MPDZ: variants seen among roughly 807,000 people sequenced by gnomAD.
MPDZ encodes the protein multiple PDZ domain protein.
Under a neutral mutation model 239.1 loss-of-function variants are expected in MPDZ, and 234 were observed. The observed-to-expected ratio is 0.98, with a 90% confidence interval of 0.88 to 1.09. MPDZ has a LOEUF of 1.09. MPDZ is among the 50% of genes least tolerant of loss of function. The probability of loss-of-function intolerance (pLI) is 0.00; values close to 1 mark genes in which losing one functional copy is unlikely to be tolerated. For missense variants in MPDZ, 3,175 were observed against 2,510.0 expected (o/e 1.26, Z -5.66); for synonymous variants, 1,048 against 881.3 (o/e 1.19, Z -3.35).
chr9:13,149,343 C>T (rs928603170), intron 25 of MPDZ, among the ~76,000 whole-genome samples: 6 of 152,032 alleles, frequency 3.9e-5, no homozygotes, highest in African/African-American at 1.4e-4. Flanking sequence ...TTCTTCTAAA[C>T]AAAGTCTTCC....
At chr9:13,206,830 C>A (rs1032684469) in intron 10 of MPDZ, among the ~76,000 whole-genome samples, 2 of 152,162 alleles carry the variant, frequency 1.3e-5, no homozygotes, top group African/African-American at 4.8e-5. Flanking sequence ...GCGTGAGCCA[C>A]TGCACCCGGC....
rs1302330969 is a variant in MPDZ, at chr9:13,201,513, G to A, written c.1546+3523C>T. On this transcript the variant is annotated intron_variant, in intron 12 of 46. Transcript: ENST00000319217. Reference sequence around the variant, plus strand: ...CTATTTCCTTAAATGTGCTTTCTAGGCCTTTTTCTCTCTGGTCTCCTTCAG... The same window carrying A: ...CTATTTCCTTAAATGTGCTTTCTAGACCTTTTTCTCTCTGGTCTCCTTCAG... Among the ~76,000 whole-genome samples the A allele has an allele frequency of 4.9e-4, 75 of 151,874 alleles. 1 individual carries two copies. Among genetic ancestry groups the A allele is most frequent in the Admixed American group, 4.9e-3 (75 of 15,206 alleles).
intron 1 of MPDZ, among the ~76,000 whole-genome samples, chr9:13,262,711 A>G (rs1381537476): frequency 2.6e-5 from 4 of 152,112 alleles, no homozygotes. Flanking sequence ...AAAACACAAA[A>G]CAAGGGCAAC....
intron 24 of MPDZ, among the ~76,000 whole-genome samples, chr9:13,154,041 C>T (rs1949525519): frequency 2.0e-5 from 3 of 151,962 alleles, no homozygotes; most frequent in Non-Finnish European, 2.9e-5. Flanking sequence ...TCTTACTGGC[C>T]CCATTTTACA....
intron 6 of MPDZ, among the ~76,000 whole-genome samples, 161 bp downstream of exon 6, chr9:13,222,072 T>C (rs1020842411): frequency 2.6e-5 from 4 of 152,092 alleles, no homozygotes; most frequent in African/African-American, 9.7e-5. Flanking sequence ...AGAAGCTTTA[T>C]CATGCTTAAA....
At chr9:13,168,265 T>C in intron 22 of MPDZ, 101 bp downstream of exon 22, 3 of 1,044,802 alleles carry the variant, frequency 2.9e-6, no homozygotes, top group Non-Finnish European at 4.3e-6. Flanking sequence ...AAAAATGTGA[T>C]AACGTTTGCA....
rs753904177 is a variant in MPDZ at position 13,121,898 on chromosome 9, T to C, written c.5072A>G (p.Asp1691Gly). ...NGIDLRKATH[D>G]EAINVLRQTP... ...CTGTCTCAGGACATTGATTGCTTCA[T>C]CATGTGTGGCCTTTCTCAAGTCAAT... Residue 1691 changes from aspartate (D) to glycine (G), a missense_variant, in exon 38 of 47, where the codon GAT (aspartate) becomes GGT (glycine). Transcript: ENST00000319217. The C allele has an allele frequency of 2.5e-6, 4 of 1,613,646 alleles. No individual in the cohort carries two copies. Among genetic ancestry groups the C allele is most frequent in the Non-Finnish European group, 3.4e-6 (4 of 1,179,824 alleles).
At chr9:13,211,764 T>G (rs1475689127) in intron 10 of MPDZ, among the ~76,000 whole-genome samples, 4 of 152,036 alleles carry the variant, frequency 2.6e-5, no homozygotes, top group African/African-American at 9.7e-5. Context: ...AGGTAAGTTT[T>G]TAAGTAAAAT....
At chr9:13,210,457 T>C (rs1259804652) in intron 10 of MPDZ, among the ~76,000 whole-genome samples, 1 of 151,146 alleles carries the variant, frequency 6.6e-6, no homozygotes, top group African/African-American at 2.4e-5. Context: ...GAATGCTATA[T>C]ACCCTACCCA....
chr9:13,177,920 T>C (rs867703071), intron 19 of MPDZ, among the ~76,000 whole-genome samples: 7 of 152,198 alleles, frequency 4.6e-5, no homozygotes, highest in Non-Finnish European at 1.0e-4. Flanking sequence ...TGTGAAGATA[T>C]ATTCACTATG....
At chr9:13,257,195 C>T (rs1969645039) in intron 1 of MPDZ, among the ~76,000 whole-genome samples, 1 of 152,162 alleles carries the variant, frequency 6.6e-6, no homozygotes, top group Non-Finnish European at 1.5e-5. Context: ...CCAATAACAG[C>T]TCAATGAATT....
chr9:13,157,403 T>C (rs1949954527), intron 24 of MPDZ, among the ~76,000 whole-genome samples: 1 of 152,320 alleles, frequency 6.6e-6, no homozygotes, highest in South Asian at 2.1e-4. Context: ...CACAAAATCA[T>C]TGGCTTTAAG....
Position 13,224,522 on chromosome 9 carries a change from G to A in MPDZ, c.245C>T (p.Pro82Leu), listed in dbSNP as rs768597662. ...IEYAHVPHLSPAVIPTLQNES... is the reference protein window; with the variant it reads ...IEYAHVPHLSLAVIPTLQNES... ...ATTTTGCAGAGTAGGAATCACAGCT[G>A]GGCTGAGATGAGGAACGTGGGCATA... The change falls in exon 4 of 47, where the codon CCA (proline) becomes CTA (leucine). Residue 82 changes from proline to leucine, a missense_variant. Pro to Leu is a moderately conservative substitution (Grantham distance 98). Coordinates refer to ENST00000319217, the MANE Select transcript of MPDZ (RefSeq NM_001378778.1). 2.5e-6 allele frequency: 4 copies of A among 1,612,652 alleles called. No individual in the cohort carries two copies. The East Asian group carries it at 6.7e-5, about 27-fold the overall frequency.
chr9:13,258,659 T>C (rs577158047), intron 1 of MPDZ, among the ~76,000 whole-genome samples: 3 of 152,202 alleles, frequency 2.0e-5, no homozygotes, highest in East Asian at 1.9e-4. Flanking sequence ...CACCAAATCA[T>C]GTAGTCATCC....
rs771010389 is a variant in MPDZ, at chr9:13,119,690, C to G, written c.5232-41G>C. On this transcript the variant is annotated intron_variant, in intron 38 of 46. Coordinates refer to ENST00000319217, the MANE Select transcript of MPDZ (RefSeq NM_001378778.1). ...AATTTCAACATTATCTTTTGCTCAA[C>G]TGTAATGCAATGCTTATTTAATAAA... The G allele has an allele frequency of 2.5e-6, 4 of 1,612,310 alleles. No individual in the cohort carries two copies. The Admixed American group carries it at 6.7e-5, about 27-fold the overall frequency.
chr9:13,205,954 T>A lies in MPDZ; in HGVS notation c.1436A>T (p.Asp479Val). The change falls in exon 11 of 47, where the codon GAT (aspartate) becomes GTT (valine). Residue 479 changes from aspartate (D) to valine (V), a missense_variant. By Grantham distance (152) the Asp-to-Val change is radical (BLOSUM62 -3). Coordinates refer to ENST00000319217, the MANE Select transcript of MPDZ (RefSeq NM_001378778.1). ...ELMSREDVTK[D>V]ADLSPVNASI... ...GGCATTAACAGGAGACAAATCTGCA[T>A]CTTTTGTGACGTCTTCCCTTGACAT... 6.2e-7 allele frequency: 1 copy of A among 1,608,346 alleles called. No homozygotes were observed. Among genetic ancestry groups the A allele is most frequent in the Non-Finnish European group, 8.5e-7 (1 of 1,177,982 alleles).
intron 3 of MPDZ, among the ~76,000 whole-genome samples, chr9:13,241,327 TAAGA>T (rs1965352291): frequency 1.3e-5 from 2 of 152,220 alleles, no homozygotes; most frequent in Admixed American, 1.3e-4. Flanking sequence ...ATTTCAGGTG[TAAGA>T]AAGATCATTT....
At chr9:13,192,051 G>A in intron 15 of MPDZ, 80 bp downstream of exon 15, 1 of 1,251,604 alleles carries the variant, frequency 8.0e-7, no homozygotes, top group Non-Finnish European at 1.0e-6. Flanking sequence ...ATACCAAATT[G>A]AAAAATGCTT....
intron 31 of MPDZ, chr9:13,135,431 C>A (rs914437533): frequency 6.6e-6 from 1 of 152,142 alleles, no homozygotes; most frequent in South Asian, 2.1e-4. Context: ...TAGTTCAGGT[C>A]CTTGTTAACT....
Sources: allele counts gnomAD v4.1 joint callset (sites outside exome capture counted in the v4.1 genomes callset), GRCh38; gene constraint gnomAD v4.1.1; transcripts MANE v1.5; gene names NCBI Gene and HGNC (gene_info 2026-07-23, HGNC 2026-07-21).